PPEF2: variants seen among roughly 807,000 people sequenced by gnomAD.
PPEF2 encodes the protein serine/threonine-protein phosphatase with EF-hands 2.
A neutral mutation model predicts 84.7 loss-of-function variants in PPEF2; 84 were observed. That is an observed-to-expected ratio of 0.99 (90% confidence interval 0.83 to 1.19). The LOEUF is 1.19. Among genes scored for constraint, PPEF2 ranks in the 50% most tolerant of loss-of-function variants. The pLI is 0.00. For missense variants in PPEF2, 924 were observed against 937.5 expected (o/e 0.99, Z 0.19); for synonymous variants, 346 against 345.2 (o/e 1.00, Z -0.03).
intron 13 of PPEF2, 57 bp from the exon 14 acceptor site, chr4:75,867,476 G>T: frequency 8.0e-7 from 1 of 1,251,492 alleles, no homozygotes; most frequent in South Asian, 1.3e-5. Context: ...AAAATACTTA[G>T]AGATTTTACT....
At position 75,883,182 on chromosome 4, in the gene PPEF2, A is replaced by C. The variant is rs749490353; in HGVS notation, c.767T>G (p.Val256Gly). The change falls in exon 9 of 17, where the codon GTG becomes GGG. Residue 256 changes from valine to glycine, a missense_variant. Coordinates refer to ENST00000286719, the MANE Select transcript of PPEF2 (RefSeq NM_006239.3). The part of the protein sequence containing the change: ...VNLRYGFTKE[V>G]MNKYKVHGKE... Reference sequence around the variant, plus strand: ...GCAGCGCACCTTGTATTTATTCATCACTTCCTTGGTGAAGCCATATCTAGA... The same window carrying C: ...GCAGCGCACCTTGTATTTATTCATCCCTTCCTTGGTGAAGCCATATCTAGA... 1 of 1,613,602 alleles carries C rather than the reference A, an allele frequency of 6.2e-7. No homozygotes were observed. The highest frequency in any genetic ancestry group is 8.5e-7 in the Non-Finnish European group (1 of 1,179,852).
chr4:75,876,533 G>A lies in PPEF2; in HGVS notation c.1074C>T (p.Pro358=). ...GGGCCTTGTAGGAGCCAAGCCGAAG[G>A]GGCGAAGAGGGAAGAGAGCGGCTTT... ...LPESRSLPSS[P]LRLGSYKAQK... Residue 358 remains proline, a synonymous_variant, in exon 11 of 17, where the codon CCC becomes CCT. Coordinates refer to ENST00000286719, the MANE Select transcript of PPEF2 (RefSeq NM_006239.3). 2 of 1,614,142 alleles carry A rather than the reference G, an allele frequency of 1.2e-6. No individual in the cohort carries two copies. Among genetic ancestry groups the A allele is most frequent in the Non-Finnish European group, 1.7e-6 (2 of 1,180,022 alleles).
intron 11 of PPEF2, among the ~76,000 whole-genome samples, chr4:75,874,398 C>A (rs941035698): frequency 6.6e-6 from 1 of 151,646 alleles, no homozygotes; most frequent in Admixed American, 6.6e-5. Flanking sequence ...CAGGTTCAAG[C>A]GATTCTCCTG....
intron 1 of PPEF2, among the ~76,000 whole-genome samples, chr4:75,898,981 A>T (rs866832519): frequency 2.0e-5 from 3 of 151,988 alleles, no homozygotes; most frequent in African/African-American, 7.2e-5. Flanking sequence ...GTAACATTGT[A>T]CCTGTTAATC....
intron 16 of PPEF2, among the ~76,000 whole-genome samples, chr4:75,862,683 C>A (rs1322280826): frequency 6.6e-6 from 1 of 151,906 alleles, no homozygotes; most frequent in Non-Finnish European, 1.5e-5. Flanking sequence ...AAACTGGAAC[C>A]CTCATACATT....
intron 15 of PPEF2, among the ~76,000 whole-genome samples, chr4:75,865,017 A>AC (rs1323100831): frequency 1.3e-5 from 2 of 151,896 alleles, no homozygotes; most frequent in Non-Finnish European, 2.9e-5. Context: ...GCTCACTGCA[A>AC]CCTCCGCCTC....
intron 16 of PPEF2, 72 bp from the exon 17 acceptor site, chr4:75,860,992 C>A: frequency 6.6e-7 from 1 of 1,523,526 alleles, no homozygotes; most frequent in South Asian, 1.2e-5. Context: ...GACATTCTTA[C>A]AAGGACACCT....
rs756871903 is a variant in PPEF2 at position 75,896,340 on chromosome 4, G to A, written c.-15C>T. 2.5e-6 allele frequency: 4 copies of A among 1,613,896 alleles called. No individual in the cohort carries two copies. In the African/African-American group the frequency reaches 5.3e-5, roughly 22 times the overall value. ...CCGCTTCCCATAGTTTAAGCGCAAT[G>A]CTCCTGCAGGACGCAGCAGATCCAG... On this transcript the variant is annotated 5_prime_UTR_variant, in exon 2 of 17. Transcript: ENST00000286719.
chr4:75,879,661 T>C (rs1468840237), intron 10 of PPEF2, among the ~76,000 whole-genome samples: 2 of 152,164 alleles, frequency 1.3e-5, no homozygotes, highest in Non-Finnish European at 2.9e-5. Context: ...TTTTCTATCT[T>C]TGTTAGGAGA....
At chr4:75,871,567 C>T (rs566492080) in intron 13 of PPEF2, among the ~76,000 whole-genome samples, 4 of 152,244 alleles carry the variant, frequency 2.6e-5, no homozygotes, top group African/African-American at 9.6e-5. Flanking sequence ...ACCTCCCAAG[C>T]TCAAGCCATC....
chr4:75,880,063 C>T (rs1560483849), intron 10 of PPEF2, among the ~76,000 whole-genome samples: 1 of 152,030 alleles, frequency 6.6e-6, no homozygotes, highest in Non-Finnish European at 1.5e-5. Context: ...CTCTTGACCT[C>T]GTGATCCGCC....
rs187447534 is a variant in PPEF2 at position 75,873,394 on chromosome 4, G to A, written c.1321-82C>T. ...GTCATTCAAATGAAAGGAAGAGGAG[G>A]AGGAAAATATTTGAATAAAAATAAG... On this transcript the variant is annotated intron_variant, in intron 11 of 16. Transcript: ENST00000286719. 2.7e-3 allele frequency: 3,429 copies of A among 1,264,962 alleles called. 9 individuals carry two copies. The highest frequency in any genetic ancestry group is 3.4e-3 in the Non-Finnish European group (3,122 of 912,724). The allele number at this position is 1,264,962 out of a possible 1,614,324, so 78.4% of individuals were successfully genotyped here.
At chr4:75,887,285 A>T (rs1173020960) in intron 6 of PPEF2, among the ~76,000 whole-genome samples, 4 of 152,206 alleles carry the variant, frequency 2.6e-5, no homozygotes, top group African/African-American at 4.8e-5. Context: ...AATCTAGATC[A>T]TAATATAAAA....
intron 11 of PPEF2, 110 bp downstream of exon 11, chr4:75,876,176 AC>A: frequency 2.0e-6 from 2 of 1,015,844 alleles, no homozygotes; most frequent in Non-Finnish European, 2.6e-6. Flanking sequence ...GGGTGTTGTT[AC>A]CCCAGAAAGA....
At chr4:75,879,259 T>G (rs1223663073) in intron 10 of PPEF2, among the ~76,000 whole-genome samples, 1 of 152,204 alleles carries the variant, frequency 6.6e-6, no homozygotes, top group Non-Finnish European at 1.5e-5. Context: ...ATTTGAAATT[T>G]GGAGGATTTT....
intron 10 of PPEF2, among the ~76,000 whole-genome samples, chr4:75,878,327 G>C (rs932267853): frequency 6.6e-6 from 1 of 152,236 alleles, no homozygotes; most frequent in South Asian, 2.1e-4. Context: ...CAAAAAGAGA[G>C]AGCAGCCATT....
intron 16 of PPEF2, among the ~76,000 whole-genome samples, chr4:75,861,747 C>T (rs1329611533): frequency 7.1e-6 from 1 of 140,068 alleles, no homozygotes; most frequent in Non-Finnish European, 1.5e-5. Context: ...GTAGCTGGGA[C>T]TACAGGCACC....
intron 2 of PPEF2, among the ~76,000 whole-genome samples, chr4:75,892,256 T>C (rs1724907937): frequency 6.6e-6 from 1 of 152,194 alleles, no homozygotes; most frequent in African/African-American, 2.4e-5. Flanking sequence ...AAAACATTTC[T>C]GTATAGGGAT....
chr4:75,893,862 C>CTTCTCTTTTTTTCTT (rs6148525), intron 2 of PPEF2, among the ~76,000 whole-genome samples: 1 of 148,588 alleles, frequency 6.7e-6, no homozygotes, highest in East Asian at 1.9e-4. Context: ...TTTCATTCTC[C>CTTCTCTTTTTTTCTT]CTCTTTTTTT....
Sources: gnomAD v4.1 joint callset for allele counts (sites outside exome capture counted in the v4.1 genomes callset) on GRCh38, gnomAD v4.1.1 for gene constraint, MANE v1.5 for transcripts, NCBI Gene and HGNC (gene_info 2026-07-23, HGNC 2026-07-21) for gene names.